ZNF37A: variants seen among roughly 807,000 people sequenced by gnomAD.
ZNF37A encodes zinc finger protein 37a (KOX 21).
Under a neutral mutation model 12.3 loss-of-function variants are expected in ZNF37A, and 10 were observed. That is an observed-to-expected ratio of 0.82 (90% CI 0.50 to 1.38). ZNF37A has a LOEUF of 1.38. ZNF37A is among the 40% of genes most tolerant of loss of function. The pLI is 0.00. For synonymous variants in ZNF37A, 207 were observed against 223.0 expected, an observed-to-expected ratio of 0.93 and a Z score of 0.64; for missense variants, 580 against 651.2, an observed-to-expected ratio of 0.89 and a Z score of 1.19.
rs1350908046 is a variant in ZNF37A at position 38,119,539 on chromosome 10, T to G, written c.*702T>G. On this transcript the variant is annotated 3_prime_UTR_variant, in exon 8 of 8. Transcript: ENST00000685332. ...TAAATTTAATATAGAACAGAGGTGT[T>G]GAGTTGCAGGATATCTAGCAATTTA... The G allele has an allele frequency of 2.7e-6, 1 of 367,324 alleles. No individual in the cohort carries two copies. Among genetic ancestry groups the G allele is most frequent in the African/African-American group, 2.2e-5 (1 of 45,410 alleles). 22.8% of individuals were successfully genotyped at this position (367,324 alleles called of 1,614,324 possible).
Position 38,095,821 on chromosome 10 carries a change from T to G in ZNF37A, c.-45+17T>G, listed in dbSNP as rs2067105042. ...GACAACAGAGTAAGTAAAAATCAGT[T>G]TGCTTTTTTAAATCCAAAGATTGTT... is the stretch of plus-strand genomic sequence containing the variant. On this transcript the variant is annotated intron_variant, in intron 4 of 7. Coordinates refer to ENST00000685332, the MANE Select transcript of ZNF37A (RefSeq NM_001324250.3). 1 of 152,062 alleles carries G rather than the reference T, an allele frequency of 6.6e-6. No individual in the cohort carries two copies. The highest frequency in any genetic ancestry group is 2.4e-5 in the African/African-American group (1 of 41,388). The allele number at this position is 152,062 out of a possible 1,614,324, so 9.4% of individuals were successfully genotyped here. A position where few individuals can be genotyped will look rare whatever the true frequency, so the allele number is the denominator to read the frequency against.
Position 38,139,765 on chromosome 10 carries a change from T to C in ZNF37A, c.239-6967T>C, listed in dbSNP as rs1299988546. ...TCCTTCAAGCCTCTGAAAATATTGA[T>C]GGTGTCTCAAAATTAATAATTTATT... On this transcript the variant is annotated intron_variant, in intron 7 of 7. Coordinates refer to the ZNF37A transcript ENST00000638053. 5 of 152,240 alleles carry C rather than the reference T, an allele frequency of 3.3e-5. No homozygotes were observed. The South Asian group carries it at 1.0e-3, about 32-fold the overall frequency. 9.4% of individuals were successfully genotyped at this position (152,240 alleles called of 1,614,324 possible). A position where few individuals can be genotyped will look rare whatever the true frequency, so the allele number is the denominator to read the frequency against.
downstream of ZNF37A, among the ~76,000 whole-genome samples, chr10:38,125,905 CT>C (rs2069918476): frequency 6.6e-6 from 1 of 152,124 alleles, no homozygotes. Flanking sequence ...GAAGCCTCAG[CT>C]TTCGGTCATA....
chr10:38,096,674 A>G, intron 5 of ZNF37A, 42 bp downstream of exon 5: 1 of 1,597,690 alleles, frequency 6.3e-7, no homozygotes, highest in South Asian at 1.1e-5. Flanking sequence ...AAAAGTAATT[A>G]TTGAGGTTTA....
chr10:38,140,548 T>C (rs1310260933), intron 7 of ZNF37A: 1 of 152,176 alleles, frequency 6.6e-6, no homozygotes, highest in Non-Finnish European at 1.5e-5. Flanking sequence ...GTAGATAAGA[T>C]AGACTCACAG....
chr10:38,098,424 G>C (rs1355397188), intron 5 of ZNF37A, among the ~76,000 whole-genome samples: 3 of 152,154 alleles, frequency 2.0e-5, no homozygotes, highest in Non-Finnish European at 2.9e-5. Context: ...GCAATCCATA[G>C]GAATTTTTAG....
At position 38,095,780 on chromosome 10, in the gene ZNF37A, G is replaced by T. The variant is rs1484552449; in HGVS notation, c.-69G>T. On this transcript the variant is annotated 5_prime_UTR_variant, in exon 4 of 8. In the 5' UTR this introduces an upstream ATG that the reference lacks. Transcript: ENST00000685332. ...GACAGAGTCGCTTGAGGACTCAGGAGGGTGTTTGCTGCGTTGACAACAGAG... is the reference window on the plus strand; with the variant it reads ...GACAGAGTCGCTTGAGGACTCAGGATGGTGTTTGCTGCGTTGACAACAGAG... 1 of 152,194 alleles carries T rather than the reference G, an allele frequency of 6.6e-6. No individual in the cohort carries two copies. The highest frequency in any genetic ancestry group is 1.9e-4 in the East Asian group (1 of 5,198). 9.4% of individuals were successfully genotyped at this position (152,194 alleles called of 1,614,324 possible). A position where few individuals can be genotyped will look rare whatever the true frequency, so the allele number is the denominator to read the frequency against.
chr10:38,149,617 C>T (rs1369328765), exon 8 of ZNF37A: 1 of 142,764 alleles, frequency 7.0e-6, no homozygotes, highest in Non-Finnish European at 1.5e-5. Context: ...CTCTGTCGCC[C>T]AGGCCAGAGA....
intron 5 of ZNF37A, among the ~76,000 whole-genome samples, chr10:38,109,579 A>G (rs1225287082): frequency 1.3e-5 from 2 of 152,210 alleles, no homozygotes; most frequent in Non-Finnish European, 2.9e-5. Context: ...ACATGATTCT[A>G]TATTTAGAAA....
chr10:38,127,631 C>G (rs2069947683), downstream of ZNF37A, among the ~76,000 whole-genome samples: 1 of 152,158 alleles, frequency 6.6e-6, no homozygotes, highest in East Asian at 1.9e-4. Flanking sequence ...CCCACTTCCT[C>G]CTACATCTGT....
chr10:38,114,615 A>C (rs2069088386), intron 5 of ZNF37A, 140 bp from the exon 6 acceptor site: 1 of 1,005,902 alleles, frequency 9.9e-7, no homozygotes, highest in African/African-American at 1.6e-5. Flanking sequence ...AACATAAAAC[A>C]ACATATATCA....
chr10:38,101,337 C>G (rs527815979), intron 5 of ZNF37A, among the ~76,000 whole-genome samples: 1 of 145,384 alleles, frequency 6.9e-6, no homozygotes, highest in Non-Finnish European at 1.5e-5. Context: ...GTGTTTGATT[C>G]ATTTTGAGTT....
At chr10:38,141,205 A>T (rs1352945571) in intron 7 of ZNF37A, 1 of 152,148 alleles carries the variant, frequency 6.6e-6, no homozygotes, top group Non-Finnish European at 1.5e-5. Context: ...GTGGAGTTTA[A>T]TTTTCCTCTC....
intron 5 of ZNF37A, among the ~76,000 whole-genome samples, chr10:38,111,250 G>T (rs2504149): frequency 0.41 from 62,208 of 151,530 alleles, 12,945 homozygotes; most frequent in East Asian, 0.5. Context: ...ACCAAACACT[G>T]CATGTTCTCA....
intron 7 of ZNF37A, chr10:38,143,158 A>C (rs1237427243): frequency 6.6e-6 from 1 of 152,142 alleles, no homozygotes; most frequent in Non-Finnish European, 1.5e-5. Flanking sequence ...GAGTTCTTGA[A>C]ATTCTGGCAG....
chr10:38,114,884 A>T lies in ZNF37A; in HGVS notation c.142+3A>T. 1 of 1,608,272 alleles carries T rather than the reference A, an allele frequency of 6.2e-7. No homozygotes were observed. The highest frequency in any genetic ancestry group is 8.5e-7 in the Non-Finnish European group (1 of 1,177,868). ...CTACAGCCACCTTGTCTCAGTAGGTAGGTAGGAATTGTTTCCCATGTAGAA... is the reference window on the plus strand; with the variant it reads ...CTACAGCCACCTTGTCTCAGTAGGTTGGTAGGAATTGTTTCCCATGTAGAA... On this transcript the variant is annotated splice_donor_region_variant and intron_variant, in intron 6 of 7. Coordinates refer to ENST00000685332, the MANE Select transcript of ZNF37A (RefSeq NM_001324250.3).
rs546733010 is a variant in ZNF37A, at chr10:38,113,023, G to T, written c.16-1732G>T. ...GGGTTTCACCATGTTAGCCATGCTG[G>T]TCTTGAACTCCTGACCTTGTGATCC... On this transcript the variant is annotated intron_variant, in intron 5 of 7. Transcript: ENST00000685332. Among the ~76,000 whole-genome samples, 17 of 151,968 alleles carry T rather than the reference G, an allele frequency of 1.1e-4. 2 individuals carry two copies. In the South Asian group the frequency reaches 3.5e-3, roughly 32 times the overall value.
chr10:38,105,248 G>T (rs189559457), intron 5 of ZNF37A, among the ~76,000 whole-genome samples: 1 of 152,100 alleles, frequency 6.6e-6, no homozygotes, highest in African/African-American at 2.4e-5. Context: ...CAGGTGATCT[G>T]CCCACCTTGG....
At chr10:38,117,130 AC>A in intron 7 of ZNF37A, 1 of 975,874 alleles carries the variant, frequency 1.0e-6, no homozygotes, top group Non-Finnish European at 1.2e-6. Flanking sequence ...CACCACCACC[AC>A]CAACAACAAC....
Sources: allele counts gnomAD v4.1 joint callset (sites outside exome capture counted in the v4.1 genomes callset), GRCh38; gene constraint gnomAD v4.1.1; transcripts MANE v1.5; gene names NCBI Gene and HGNC (gene_info 2026-07-23, HGNC 2026-07-21).